Variants in CFAP97 observed in about 807,000 individuals in gnomAD.
CFAP97 encodes the protein cilia and flagella associated protein 97, also known as cilia- and flagella-associated protein 97.
Under a neutral mutation model 43.1 loss-of-function variants are expected in CFAP97, and 36 were observed. The ratio of observed to expected loss-of-function variants is 0.84; its 90% confidence interval spans 0.64 to 1.10. CFAP97 has a LOEUF of 1.10. Among genes scored for constraint, CFAP97 ranks in the 50% least tolerant of loss-of-function variants. The pLI is 0.00. For synonymous variants in CFAP97, 228 were observed against 225.7 expected (o/e 1.01, Z -0.09); for missense variants, 657 against 620.3 (o/e 1.06, Z -0.63).
intron 2 of CFAP97, among the ~76,000 whole-genome samples, chr4:185,179,325 GATT>G: frequency 6.6e-6 from 1 of 152,192 alleles, no homozygotes; most frequent in South Asian, 2.1e-4. Flanking sequence ...TTAAATTAAA[GATT>G]ATTATAATTT....
chr4:185,206,968 A>G (rs558180949), upstream of CFAP97, among the ~76,000 whole-genome samples: 11 of 152,232 alleles, frequency 7.2e-5, no homozygotes, highest in South Asian at 2.1e-3. Context: ...CAGAGCCTGG[A>G]GTTCTGATGT....
Position 185,176,130 on chromosome 4 carries a change from T to TG in CFAP97, c.1055-80_1055-79insC, listed in dbSNP as rs1560860378. ...CATGCTTTTTTTTTTTTTCTCTTTT[T>TG]AGACGGAGTTTCACTCTTGTTACCC... is the stretch of plus-strand genomic sequence containing the variant. On this transcript the variant is annotated intron_variant, in intron 2 of 4. Transcript: ENST00000458385. 185 of 1,170,428 alleles carry TG rather than the reference T, an allele frequency of 1.6e-4. 2 individuals are homozygous for TG. In the African/African-American group the frequency reaches 2.8e-3, roughly 17 times the overall value. 72.5% of individuals were successfully genotyped at this position (1,170,428 alleles called of 1,614,324 possible).
chr4:185,173,032 T>C (rs1292894849), intron 3 of CFAP97, among the ~76,000 whole-genome samples: 2 of 151,764 alleles, frequency 1.3e-5, no homozygotes, highest in African/African-American at 4.8e-5. Flanking sequence ...CAGGCATGAG[T>C]CACCAGGCCT....
intron 1 of CFAP97, 33 bp from the exon 2 acceptor site, chr4:185,191,245 G>GT: frequency 1.4e-6 from 2 of 1,381,764 alleles, no homozygotes; most frequent in Non-Finnish European, 1.9e-6. Flanking sequence ...AGACTAAAGA[G>GT]TGATTTCCAA....
At chr4:185,167,401 C>T (rs1190305231) in intron 3 of CFAP97, among the ~76,000 whole-genome samples, 1 of 152,088 alleles carries the variant, frequency 6.6e-6, no homozygotes, top group Non-Finnish European at 1.5e-5. Flanking sequence ...GAGGTCGAGG[C>T]TGCAAGTGAG....
chr4:185,187,233 T>C (rs1175354842), intron 2 of CFAP97, among the ~76,000 whole-genome samples: 4 of 152,180 alleles, frequency 2.6e-5, no homozygotes, highest in Non-Finnish European at 5.9e-5. Context: ...TGTTATAAAA[T>C]GAAATTTCCA....
At chr4:185,186,261 C>T (rs1254559653) in intron 2 of CFAP97, among the ~76,000 whole-genome samples, 2 of 151,976 alleles carry the variant, frequency 1.3e-5, no homozygotes, top group Non-Finnish European at 2.9e-5. Context: ...GGTGAAACCC[C>T]GTCTCTACTA....
rs751595907 is a variant in CFAP97, at chr4:185,164,158, C to T, written c.1342G>A (p.Ala448Thr). 10 of 1,613,684 alleles carry T rather than the reference C, an allele frequency of 6.2e-6. No homozygotes were observed. The East Asian group carries it at 1.8e-4, about 29-fold the overall frequency. ...TTCATACCAACTGTTGGTTTCACGG[C>T]CTCAAGCCTTTTCAATAAAGCCTTC... Reference protein sequence around the residue: ...ENLALLKRLEAVKPTVGMKRS... With the variant: ...ENLALLKRLETVKPTVGMKRS... Residue 448 changes from alanine to threonine, a missense_variant, in exon 4 of 5, where the codon GCC (alanine) becomes ACC (threonine). By Grantham distance (58) the Ala-to-Thr change is moderately conservative. Transcript: ENST00000458385.
chr4:185,175,761 A>T, intron 3 of CFAP97, 25 bp downstream of exon 3: 3 of 1,601,462 alleles, frequency 1.9e-6, no homozygotes, highest in Middle Eastern at 1.7e-4. Flanking sequence ...ATTTTCTTTG[A>T]TGACTAATTA....
At chr4:185,171,699 A>G (rs1180500863) in intron 3 of CFAP97, among the ~76,000 whole-genome samples, 1 of 152,142 alleles carries the variant, frequency 6.6e-6, no homozygotes. Context: ...AAAGAAAGAG[A>G]TATGGTTTAA....
intron 3 of CFAP97, among the ~76,000 whole-genome samples, chr4:185,170,963 G>A (rs1404879729): frequency 4.2e-5 from 5 of 120,208 alleles, no homozygotes; most frequent in African/African-American, 1.3e-4. Context: ...CAGCCTGGGC[G>A]ACAAAGCAAG....
Position 185,176,050 on chromosome 4 carries a change from A to G in CFAP97, c.1056T>C (p.Ala352=). 6.4e-7 allele frequency: 1 copy of G among 1,571,756 alleles called. No individual in the cohort carries two copies. The highest frequency in any genetic ancestry group is 8.6e-7 in the Non-Finnish European group (1 of 1,164,148). ...GTCCTTTTTTATCTAATTGCAGAAA[A>G]GCTACAGAAAAGAACAAAAAAAAAA... The part of the protein sequence containing the change: ...DTMDLNHLLK[A]FLQLDKKGPQ... The change falls in exon 3 of 5, where the codon GCT becomes GCC. Residue 352 remains alanine (A), a splice_region_variant and synonymous_variant. Transcript: ENST00000458385.
rs1052190939 is a variant in CFAP97, at chr4:185,183,299, CAG to C, written c.1054+6842_1054+6843del. 1.8e-4 allele frequency among the ~76,000 whole-genome samples: 27 copies of C among 152,274 alleles called. No individual in the cohort carries two copies. In the South Asian group the frequency reaches 2.1e-3, roughly 12 times the overall value. On this transcript the variant is annotated intron_variant, in intron 2 of 4. Transcript: ENST00000458385. Reference sequence around the variant, plus strand: ...TGAAAATGTTTAAACTGAAAGGATGCAGAGAGTATGCTGCATTCCTGCCTCAG... The same window carrying C: ...TGAAAATGTTTAAACTGAAAGGATGCAGAGTATGCTGCATTCCTGCCTCAG...
upstream of CFAP97, among the ~76,000 whole-genome samples, chr4:185,206,428 T>G (rs1361252262): frequency 1.3e-5 from 2 of 151,968 alleles, no homozygotes; most frequent in Non-Finnish European, 2.9e-5. Context: ...CCCAGCACTT[T>G]GGGAGGCCAA....
intron 2 of CFAP97, among the ~76,000 whole-genome samples, chr4:185,180,557 G>A (rs1015057386): frequency 1.3e-5 from 2 of 151,806 alleles, no homozygotes; most frequent in African/African-American, 4.8e-5. Context: ...TGTCCTCACG[G>A]TTCACCCATG....
Position 185,160,931 on chromosome 4 carries a change from AACAT to A in CFAP97, c.*1863_*1866del, listed in dbSNP as rs1734854072. The A allele has an allele frequency of 6.8e-6, 1 of 147,626 alleles. No individual in the cohort carries two copies. The highest frequency in any genetic ancestry group is 1.5e-5 in the Non-Finnish European group (1 of 66,866). 9.1% of individuals were successfully genotyped at this position (147,626 alleles called of 1,614,324 possible). On this transcript the variant is annotated 3_prime_UTR_variant, in exon 5 of 5. Transcript: ENST00000458385. ...ATATATAAAAAGATTATATATATAA[AACAT>A]ATATATATATTTTTTTCTGGAACAA...
At chr4:185,181,792 T>G (rs544456489) in intron 2 of CFAP97, among the ~76,000 whole-genome samples, 23 of 152,326 alleles carry the variant, frequency 1.5e-4, no homozygotes, top group African/African-American at 5.3e-4. Flanking sequence ...GTTGAGGGCA[T>G]TGAGATTTCC....
upstream of CFAP97, among the ~76,000 whole-genome samples, chr4:185,205,921 A>C (rs1288222928): frequency 6.6e-6 from 1 of 152,252 alleles, no homozygotes; most frequent in Non-Finnish European, 1.5e-5. Flanking sequence ...GCCAATAAAC[A>C]CATGAAAAGA....
intron 3 of CFAP97, among the ~76,000 whole-genome samples, chr4:185,173,526 G>GGTCT (rs1477797665): frequency 6.6e-6 from 1 of 152,076 alleles, no homozygotes; most frequent in Non-Finnish European, 1.5e-5. Context: ...CTATAGCTTA[G>GGTCT]GTCTACACCT....
Sources: allele counts gnomAD v4.1 joint callset (sites outside exome capture counted in the v4.1 genomes callset), GRCh38; gene constraint gnomAD v4.1.1; transcripts MANE v1.5; gene names NCBI Gene and HGNC (gene_info 2026-07-23, HGNC 2026-07-21).